ITPRID1: variants seen among roughly 807,000 people sequenced by gnomAD.
The protein encoded by ITPRID1 is ITPR interacting domain containing 1, also known as protein ITPRID1.
A neutral mutation model predicts 95.4 loss-of-function variants in ITPRID1; 96 were observed. The ratio of observed to expected loss-of-function variants is 1.01; its 90% confidence interval spans 0.85 to 1.19. The LOEUF is 1.19. ITPRID1 is among the 50% of genes most tolerant of loss of function. The pLI is 0.00. For missense variants in ITPRID1, 1,339 were observed against 1,252.9 expected, an observed-to-expected ratio of 1.07 and a Z score of -1.04; for synonymous variants, 510 against 453.6, an observed-to-expected ratio of 1.12 and a Z score of -1.58.
chr7:31,567,339 T>C (rs1415175652), intron 5 of ITPRID1, among the ~76,000 whole-genome samples: 1 of 152,206 alleles, frequency 6.6e-6, no homozygotes, highest in Admixed American at 6.5e-5. Context: ...CATCTTACCC[T>C]GTTTCTTTTT....
chr7:31,578,436 T>G lies in ITPRID1; in HGVS notation c.1170+2T>G. On this transcript the variant is annotated splice_donor_variant, in intron 9 of 14. Coordinates refer to ENST00000615280, the MANE Select transcript of ITPRID1 (RefSeq NM_001257967.3). LOFTEE classifies it high-confidence loss of function. The stretch of plus-strand genomic sequence containing the variant: ...CCAGACTCATTTGAAATGGAAGAGG[T>G]CAGTGCTGCACCAACGTACCAGCCT... 1 of 1,595,792 alleles carries G rather than the reference T, an allele frequency of 6.3e-7. No individual in the cohort carries two copies. Among genetic ancestry groups the G allele is most frequent in the Non-Finnish European group, 8.5e-7 (1 of 1,170,766 alleles).
intron 1 of ITPRID1, among the ~76,000 whole-genome samples, chr7:31,542,126 A>G: frequency 6.6e-6 from 1 of 152,170 alleles, no homozygotes; most frequent in East Asian, 1.9e-4. Context: ...AATAGTCTTA[A>G]ATACATGTTA....
At position 31,654,556 on chromosome 7, in the gene ITPRID1, T is replaced by C. The variant is rs1246749593; in HGVS notation, c.*1727T>C. Among the ~76,000 whole-genome samples the C allele has an allele frequency of 1.3e-5, 2 of 152,134 alleles. No individual in the cohort carries two copies. The highest frequency in any genetic ancestry group is 4.8e-5 in the African/African-American group (2 of 41,440). ...TCTACAGTGAGGCAGAGTGCCCAGCTAGGAGGCTGTTGCTGTCATCCCCAA... is the reference window on the plus strand; with the variant it reads ...TCTACAGTGAGGCAGAGTGCCCAGCCAGGAGGCTGTTGCTGTCATCCCCAA... On this transcript the variant is annotated 3_prime_UTR_variant, in exon 15 of 15. Coordinates refer to ENST00000615280, the MANE Select transcript of ITPRID1 (RefSeq NM_001257967.3).
intron 10 of ITPRID1, 119 bp from the exon 11 acceptor site, chr7:31,642,057 C>A (rs1790066133): frequency 1.8e-6 from 1 of 546,402 alleles, no homozygotes; most frequent in South Asian, 3.7e-5. Flanking sequence ...GTTTTTTCTT[C>A]CACACAGTGG....
chr7:31,645,302 A>G (rs984444366), intron 12 of ITPRID1, among the ~76,000 whole-genome samples: 2 of 152,344 alleles, frequency 1.3e-5, no homozygotes, highest in East Asian at 1.9e-4. Context: ...ATCACATTAC[A>G]TAAATGTGAT....
chr7:31,522,538 A>T (rs1783298716), intron 1 of ITPRID1, among the ~76,000 whole-genome samples: 1 of 152,238 alleles, frequency 6.6e-6, no homozygotes, highest in South Asian at 2.1e-4. Context: ...TGCCTTCTGC[A>T]GTGTAGAGCA....
At chr7:31,552,754 G>C (rs1383918785) in intron 2 of ITPRID1, among the ~76,000 whole-genome samples, 1 of 152,182 alleles carries the variant, frequency 6.6e-6, no homozygotes, top group East Asian at 1.9e-4. Flanking sequence ...TGCAGAGTGC[G>C]CATGTGGTCT....
rs1562594878 is a variant in ITPRID1, at chr7:31,594,169, T to TATTCA, written c.1228+10978_1228+10979insATTCA. Among the ~76,000 whole-genome samples, 6 of 152,350 alleles carry TATTCA rather than the reference T, an allele frequency of 3.9e-5. No individual in the cohort carries two copies. The East Asian group carries it at 1.2e-3, about 29-fold the overall frequency. ...TACAGTATTCAGTACAATAGCATAC[T>TATTCA]GTACAGGTTTGCAGCCTGGGAGGAA... On this transcript the variant is annotated intron_variant, in intron 10 of 14. Transcript: ENST00000615280.
In ITPRID1 at chr7:31,643,357, C is replaced by G. The variant is rs775770208; in HGVS notation, c.1987C>G (p.Leu663Val). The G allele has an allele frequency of 1.2e-6, 2 of 1,614,004 alleles. No homozygotes were observed. The highest frequency in any genetic ancestry group is 1.7e-6 in the Non-Finnish European group (2 of 1,179,888). ...ATDLAQTSEK[L>V]IPHLHKLPGD... ...TGACCTTGCTCAAACATCTGAAAAG[C>G]TCATTCCCCACCTCCATAAACTGCC... Residue 663 changes from leucine (L) to valine (V), a missense_variant, in exon 12 of 15, where the codon CTC becomes GTC. Coordinates refer to ENST00000615280, the MANE Select transcript of ITPRID1 (RefSeq NM_001257967.3).
intron 10 of ITPRID1, among the ~76,000 whole-genome samples, chr7:31,583,878 C>T (rs1785495638): frequency 6.6e-6 from 1 of 152,140 alleles, no homozygotes; most frequent in African/African-American, 2.4e-5. Context: ...TTAACTGGGT[C>T]TCAGTTTTTC....
chr7:31,633,911 CTT>C (rs1789240445), intron 10 of ITPRID1, among the ~76,000 whole-genome samples: 2 of 152,222 alleles, frequency 1.3e-5, no homozygotes, highest in African/African-American at 2.4e-5. Context: ...TCCCATGTAA[CTT>C]TCAATTTTAT....
At chr7:31,619,061 T>G (rs999605059) in intron 10 of ITPRID1, among the ~76,000 whole-genome samples, 6 of 152,224 alleles carry the variant, frequency 3.9e-5, no homozygotes, top group Admixed American at 2.0e-4. Flanking sequence ...ATACTGACCT[T>G]TGTCTTCTTT....
At chr7:31,542,310 C>T (rs544815110) in intron 1 of ITPRID1, among the ~76,000 whole-genome samples, 59 of 152,224 alleles carry the variant, frequency 3.9e-4, no homozygotes, top group African/African-American at 1.4e-3. Flanking sequence ...AGTTGTGCAG[C>T]GAAGAGTCAG....
At chr7:31,625,705 T>C (rs1788396771) in intron 10 of ITPRID1, among the ~76,000 whole-genome samples, 1 of 152,132 alleles carries the variant, frequency 6.6e-6, no homozygotes, top group African/African-American at 2.4e-5. Context: ...CGCACCAACA[T>C]GTCACATGTA....
At chr7:31,649,727 A>G (rs956054485) in intron 12 of ITPRID1, among the ~76,000 whole-genome samples, 1 of 152,206 alleles carries the variant, frequency 6.6e-6, no homozygotes, top group Non-Finnish European at 1.5e-5. Context: ...TGGATTTCAA[A>G]GCATGATCCA....
chr7:31,619,889 G>C (rs946330016), intron 10 of ITPRID1, among the ~76,000 whole-genome samples: 1 of 152,130 alleles, frequency 6.6e-6, no homozygotes, highest in Non-Finnish European at 1.5e-5. Context: ...CTGGAAAATC[G>C]GGTCACTCCC....
At chr7:31,589,787 A>G (rs937780535) in intron 10 of ITPRID1, among the ~76,000 whole-genome samples, 2 of 152,194 alleles carry the variant, frequency 1.3e-5, no homozygotes, top group Non-Finnish European at 2.9e-5. Flanking sequence ...ATGTACTGTA[A>G]ACATTGCTAA....
At chr7:31,529,807 G>T (rs1783537541) in intron 1 of ITPRID1, 3 of 1,535,100 alleles carry the variant, frequency 2.0e-6, no homozygotes, top group Non-Finnish European at 1.7e-6. Flanking sequence ...TTTCTCTGCT[G>T]AAACTCCTTT....
At chr7:31,582,987 C>T (rs1033022733) in intron 9 of ITPRID1, 147 bp from the exon 10 acceptor site, 1 of 504,422 alleles carries the variant, frequency 2.0e-6, no homozygotes, top group African/African-American at 1.9e-5. Context: ...ATCCCCGGTA[C>T]CTCCTCCCAG....
Sources: gnomAD v4.1 joint callset for allele counts (sites outside exome capture counted in the v4.1 genomes callset) on GRCh38, gnomAD v4.1.1 for gene constraint, MANE v1.5 for transcripts, NCBI Gene and HGNC (gene_info 2026-07-23, HGNC 2026-07-21) for gene names.